Variants in SENP7 observed in about 807,000 individuals in gnomAD.
SENP7 encodes sentrin-specific protease 7.
SENP7 carries 64 observed loss-of-function variants against 141.2 expected under a neutral mutation model. That is an observed-to-expected ratio of 0.45 (90% confidence interval 0.37 to 0.56). SENP7 has a LOEUF of 0.56. SENP7 is among the 20% of genes least tolerant of loss of function. SENP7 has a pLI of 0.00. For synonymous variants in SENP7, 382 were observed against 426.4 expected, an observed-to-expected ratio of 0.90 and a Z score of 1.28; for missense variants, 1,025 against 1,212.2, an observed-to-expected ratio of 0.85 and a Z score of 2.29.
intron 3 of SENP7, among the ~76,000 whole-genome samples, chr3:101,490,610 T>A (rs1475793373): frequency 6.6e-6 from 1 of 152,156 alleles, no homozygotes; most frequent in Non-Finnish European, 1.5e-5. Context: ...CAAGGAAAAT[T>A]TCTGGAGCAT....
intron 2 of SENP7, among the ~76,000 whole-genome samples, chr3:101,495,903 G>A (rs538232209): frequency 2.6e-5 from 4 of 152,046 alleles, no homozygotes; most frequent in East Asian, 3.9e-4. Flanking sequence ...AATAAAAGTC[G>A]AAGAAAAAAA....
intron 9 of SENP7, among the ~76,000 whole-genome samples, chr3:101,365,522 G>C (rs1047747417): frequency 2.7e-5 from 4 of 149,684 alleles, no homozygotes; most frequent in Non-Finnish European, 5.9e-5. Context: ...TATAATCCCA[G>C]CTACTTGGGA....
chr3:101,485,456 T>A (rs1320399839), intron 3 of SENP7, among the ~76,000 whole-genome samples: 1 of 151,992 alleles, frequency 6.6e-6, no homozygotes, highest in East Asian at 1.9e-4. Flanking sequence ...CAACCCCCAG[T>A]ATGAGGCCAG....
chr3:101,512,625 C>A (rs1262231068), intron 1 of SENP7, among the ~76,000 whole-genome samples: 1 of 152,136 alleles, frequency 6.6e-6, no homozygotes, highest in Admixed American at 6.5e-5. Context: ...GCAAGCCCCA[C>A]CTTTCCTCCC....
Position 101,459,057 on chromosome 3 carries a change from GAAAA to G in SENP7, c.187-9_187-6del. The G allele has an allele frequency of 7.1e-7, 1 of 1,402,672 alleles. No homozygotes were observed. Among genetic ancestry groups the G allele is most frequent in the Non-Finnish European group, 9.7e-7 (1 of 1,031,198 alleles). 86.9% of individuals were successfully genotyped at this position (1,402,672 alleles called of 1,614,324 possible). ...ATTCCTTAGGCTTCTTTCCCACTAG[GAAAA>G]AAAAAATGAAATTTTAATAATAAAC... On this transcript the variant is annotated splice_region_variant and splice_polypyrimidine_tract_variant and intron_variant, in intron 3 of 23. Coordinates refer to ENST00000394095, the MANE Select transcript of SENP7 (RefSeq NM_020654.5).
At chr3:101,467,781 A>C (rs1404658992) in intron 3 of SENP7, among the ~76,000 whole-genome samples, 2 of 152,222 alleles carry the variant, frequency 1.3e-5, no homozygotes, top group African/African-American at 2.4e-5. Flanking sequence ...AAATTCTAAA[A>C]ATCGGAGCAC....
intron 1 of SENP7, among the ~76,000 whole-genome samples, chr3:101,503,278 G>A (rs1292033343): frequency 6.6e-6 from 1 of 152,188 alleles, no homozygotes; most frequent in African/African-American, 2.4e-5. Flanking sequence ...GTGAGAGACT[G>A]GAACTCATAT....
At chr3:101,443,669 A>C (rs543122166) in intron 4 of SENP7, among the ~76,000 whole-genome samples, 12,412 of 146,962 alleles carry the variant, frequency 0.084, 599 homozygotes, top group Middle Eastern at 0.14. Context: ...CCTTCACATC[A>C]CTTGTAAGTT....
intron 4 of SENP7, among the ~76,000 whole-genome samples, chr3:101,426,680 T>C (rs1317530541): frequency 1.3e-5 from 2 of 151,804 alleles, no homozygotes; most frequent in African/African-American, 2.4e-5. Context: ...GGGGGTTTCA[T>C]CATGTTGGCC....
At position 101,405,449 on chromosome 3, in the gene SENP7, C is replaced by A. The variant is rs555861419; in HGVS notation, c.483-6394G>T. 2.0e-5 allele frequency among the ~76,000 whole-genome samples: 3 copies of A among 152,326 alleles called. No homozygotes were observed. The South Asian group carries it at 6.2e-4, about 32-fold the overall frequency. On this transcript the variant is annotated intron_variant, in intron 5 of 23. Coordinates refer to ENST00000394095, the MANE Select transcript of SENP7 (RefSeq NM_020654.5). ...CTGAACAACAGCCTTCAGCCCTAGA[C>A]CTTCCCTCTGACAGAGCCTACTCAA...
intron 11 of SENP7, among the ~76,000 whole-genome samples, chr3:101,357,032 G>A (rs139934656): frequency 3.3e-5 from 5 of 151,072 alleles, no homozygotes; most frequent in African/African-American, 7.3e-5. Flanking sequence ...ACAGAGTTTC[G>A]CTGTGTCACC....
At chr3:101,450,608 T>G (rs1340900138) in intron 4 of SENP7, among the ~76,000 whole-genome samples, 2 of 152,328 alleles carry the variant, frequency 1.3e-5, no homozygotes, top group Middle Eastern at 3.4e-3. Flanking sequence ...TAGTCCTGAA[T>G]GACTACTGGG....
chr3:101,510,497 C>T (rs2065806128), intron 1 of SENP7, among the ~76,000 whole-genome samples: 1 of 152,110 alleles, frequency 6.6e-6, no homozygotes, highest in East Asian at 1.9e-4. Flanking sequence ...TTCCTTCTAC[C>T]TCTTCTTCCT....
intron 4 of SENP7, among the ~76,000 whole-genome samples, chr3:101,448,244 G>T (rs558123610): frequency 4.0e-5 from 6 of 151,784 alleles, no homozygotes; most frequent in Admixed American, 1.3e-4. Context: ...CAGATAAATG[G>T]GACTTCATCA....
intron 1 of SENP7, among the ~76,000 whole-genome samples, chr3:101,505,183 T>C (rs897700535): frequency 5.3e-5 from 8 of 152,202 alleles, no homozygotes; most frequent in Admixed American, 4.6e-4. Context: ...ATAACAGTCA[T>C]TGAAGACTTG....
intron 3 of SENP7, among the ~76,000 whole-genome samples, chr3:101,468,512 G>A (rs532657885): frequency 7.2e-5 from 11 of 152,240 alleles, no homozygotes; most frequent in Admixed American, 2.6e-4. Context: ...TGGATCTCTC[G>A]GAAGAAACCC....
intron 3 of SENP7, among the ~76,000 whole-genome samples, chr3:101,492,910 G>A (rs921491598): frequency 4.6e-5 from 7 of 152,064 alleles, no homozygotes; most frequent in Non-Finnish European, 1.0e-4. Context: ...AAGATCACTC[G>A]AGCCCAGGAG....
intron 19 of SENP7, among the ~76,000 whole-genome samples, chr3:101,330,847 A>C (rs1246764697): frequency 6.6e-6 from 1 of 152,194 alleles, no homozygotes; most frequent in Non-Finnish European, 1.5e-5. Flanking sequence ...GGCCAGTATT[A>C]ATGCTAATGG....
chr3:101,506,044 G>A (rs1278823947), intron 1 of SENP7, among the ~76,000 whole-genome samples: 14 of 115,198 alleles, frequency 1.2e-4, no homozygotes, highest in African/African-American at 3.4e-4. Flanking sequence ...TTTTTGAGAC[G>A]GAGTCTTGCT....
Sources: allele counts gnomAD v4.1 joint callset (sites outside exome capture counted in the v4.1 genomes callset), GRCh38; gene constraint gnomAD v4.1.1; transcripts MANE v1.5; gene names NCBI Gene and HGNC (gene_info 2026-07-23, HGNC 2026-07-21).